AMZ1: variants seen among roughly 807,000 people sequenced by gnomAD.
AMZ1 encodes archaelysin family metallopeptidase 1, also known as archaemetzincin-1.
In AMZ1, 39 loss-of-function variants were observed where a neutral mutation model predicts 29.9. That is an observed-to-expected ratio of 1.30 (90% CI 1.01 to 1.70). The LOEUF is 1.70. AMZ1 is among the 40% of genes most tolerant of loss of function. The probability of loss-of-function intolerance (pLI) is 0.00; values close to 1 mark genes in which losing one functional copy is unlikely to be tolerated. For missense variants in AMZ1, 1,041 were observed against 680.6 expected, an observed-to-expected ratio of 1.53 and a Z score of -5.89; for synonymous variants, 458 against 304.0, an observed-to-expected ratio of 1.51 and a Z score of -5.27.
At chr7:2,711,275 C>T (rs1788758705) in intron 6 of AMZ1, among the ~76,000 whole-genome samples, 1 of 152,184 alleles carries the variant, frequency 6.6e-6, no homozygotes, top group South Asian at 2.1e-4. Flanking sequence ...TGGGGAGGTG[C>T]TGGAGAGCTG....
chr7:2,703,115 A>G (rs1318621672), intron 3 of AMZ1, among the ~76,000 whole-genome samples: 2 of 152,224 alleles, frequency 1.3e-5, no homozygotes, highest in Non-Finnish European at 2.9e-5. Flanking sequence ...GGAAAACGCC[A>G]GAGCATGCAG....
chr7:2,715,620 T>G lies in AMZ1; in HGVS notation c.*2742T>G, dbSNP rs1554251589. ...TCCGCAGCGTTTACCAACTTGCAGA[T>G]GTCAGTGAAATTTTTTAAGACAGCT... On this transcript the variant is annotated 3_prime_UTR_variant, in exon 7 of 7. Coordinates refer to ENST00000683327, the MANE Select transcript of AMZ1 (RefSeq NM_001384743.1). 6.6e-6 allele frequency: 1 copy of G among 152,204 alleles called. No individual in the cohort carries two copies. Among genetic ancestry groups the G allele is most frequent in the Non-Finnish European group, 1.5e-5 (1 of 68,030 alleles). 9.4% of individuals were successfully genotyped at this position (152,204 alleles called of 1,614,324 possible).
intron 4 of AMZ1, among the ~76,000 whole-genome samples, chr7:2,758,410 G>C (rs208348): frequency 0.93 from 141,363 of 152,266 alleles, 65,733 homozygotes; most frequent in East Asian, 1. Context: ...AGGGCAGACA[G>C]TGTCTCAGCA....
intron 3 of AMZ1, among the ~76,000 whole-genome samples, chr7:2,704,995 A>AC (rs1264376524): frequency 1.3e-5 from 2 of 152,228 alleles, no homozygotes; most frequent in Non-Finnish European, 2.9e-5. Context: ...TCCGATGATT[A>AC]CACTATCTGG....
At chr7:2,704,685 C>T (rs1424229308) in intron 3 of AMZ1, among the ~76,000 whole-genome samples, 1 of 149,882 alleles carries the variant, frequency 6.7e-6, no homozygotes, top group Non-Finnish European at 1.5e-5. Context: ...CAAGCTCCGC[C>T]TCCTGGGTTC....
chr7:2,744,213 G>C (rs922352223), intron 4 of AMZ1, among the ~76,000 whole-genome samples: 4 of 152,246 alleles, frequency 2.6e-5, no homozygotes, highest in Non-Finnish European at 5.9e-5. Context: ...AGAACGGGCA[G>C]ACTGCCTCCT....
Position 2,731,145 on chromosome 7 carries a change from G to A in AMZ1, n.550+21329G>A. The A allele has an allele frequency of 1.4e-6, 2 of 1,421,610 alleles. No individual in the cohort carries two copies. Among genetic ancestry groups the A allele is most frequent in the Non-Finnish European group, 2.0e-6 (2 of 1,021,206 alleles). 88.1% of individuals were successfully genotyped at this position (1,421,610 alleles called of 1,614,324 possible). ...AAGAGTCTGACCGACAGCCGTGGGG[G>A]CTGCTCAACGACGACAAACCCCGGG... On this transcript the variant is annotated intron_variant and non_coding_transcript_variant, in intron 4 of 4. Transcript: ENST00000489665. This position sits in a 1 kb window ranked among gnomAD's most constrained non-coding sequence, Gnocchi z 6.0.
intron 4 of AMZ1, among the ~76,000 whole-genome samples, chr7:2,752,525 C>T (rs1379145287): frequency 6.6e-6 from 1 of 152,104 alleles, no homozygotes; most frequent in Admixed American, 6.6e-5. Flanking sequence ...CTGCAGATCG[C>T]CTAACTGTTC....
Position 2,712,342 on chromosome 7 carries a change from T to G in AMZ1, c.961T>G (p.Trp321Gly), listed in dbSNP as rs756099596. ...LIERYQRLYT[W>G]TQAVVGTWPS... ...TTCTCCCTCTTAGAGACTCTACACC[T>G]GGACTCAGGCGGTGGTGGGGACGTG... The change falls in exon 7 of 7, where the codon TGG (tryptophan) becomes GGG (glycine). Residue 321 changes from tryptophan (W) to glycine (G), a missense_variant. Trp to Gly is a radical substitution (Grantham distance 184). Coordinates refer to ENST00000683327, the MANE Select transcript of AMZ1 (RefSeq NM_001384743.1). 1.3e-6 allele frequency: 2 copies of G among 1,589,874 alleles called. No individual in the cohort carries two copies. Among genetic ancestry groups the G allele is most frequent in the African/African-American group, 2.7e-5 (2 of 74,560 alleles).
intron 1 of AMZ1, among the ~76,000 whole-genome samples, chr7:2,698,118 A>G (rs1456353834): frequency 6.6e-6 from 1 of 152,238 alleles, no homozygotes; most frequent in Non-Finnish European, 1.5e-5. Context: ...TTAGTGGGCC[A>G]GGCGTGGTAC....
intron 1 of AMZ1, among the ~76,000 whole-genome samples, chr7:2,697,145 C>T (rs1583153869): frequency 6.6e-6 from 1 of 152,192 alleles, no homozygotes. Context: ...CTGCAATGCC[C>T]AAGCTGGAGT....
intron 1 of AMZ1, among the ~76,000 whole-genome samples, chr7:2,697,643 T>G (rs1280895086): frequency 6.6e-6 from 1 of 152,106 alleles, no homozygotes; most frequent in African/African-American, 2.4e-5. Flanking sequence ...TGGGCTGGTC[T>G]TGAACTCCTG....
At chr7:2,685,631 G>C (rs567455606), upstream of AMZ1, among the ~76,000 whole-genome samples, 4 of 151,022 alleles carry the variant, frequency 2.6e-5, no homozygotes, top group East Asian at 7.9e-4. Flanking sequence ...GTGGCAGGCG[G>C]ATCACGAGGT....
rs1788994592 is a variant in AMZ1 at position 2,714,340 on chromosome 7, C to A, written c.*1462C>A. The A allele has an allele frequency of 6.6e-6, 1 of 152,376 alleles. No individual in the cohort carries two copies. Among genetic ancestry groups the A allele is most frequent in the African/African-American group, 2.4e-5 (1 of 41,448 alleles). 9.4% of individuals were successfully genotyped at this position (152,376 alleles called of 1,614,324 possible). On this transcript the variant is annotated 3_prime_UTR_variant, in exon 7 of 7. Transcript: ENST00000683327. ...TGCAGGTGAGGTGGGCTGAGGCTTC[C>A]TTGTGAATCTGACATTGGTGGAGGC...
At chr7:2,725,545 A>T (rs1562385380) in intron 4 of AMZ1, among the ~76,000 whole-genome samples, 1 of 152,240 alleles carries the variant, frequency 6.6e-6, no homozygotes, top group Non-Finnish European at 1.5e-5. Context: ...AGTGAATGAG[A>T]AGCCATAGGG....
intron 4 of AMZ1, among the ~76,000 whole-genome samples, chr7:2,754,476 C>T (rs140885231): frequency 0.011 from 1,659 of 152,078 alleles, 12 homozygotes; most frequent in Non-Finnish European, 0.016. Context: ...GGCACGGTGG[C>T]TCACCCCTGT....
intron 4 of AMZ1, among the ~76,000 whole-genome samples, chr7:2,736,061 ACTC>A (rs750445742): frequency 5.9e-5 from 9 of 152,004 alleles, no homozygotes; most frequent in African/African-American, 9.7e-5. Context: ...TTTGCGACGG[ACTC>A]CTCAAGTCTT....
In AMZ1 at chr7:2,702,755, TGCACCAGCTGTGCAGCTGCACA is replaced by T; in HGVS notation, c.340_361del (p.His114ArgfsTer44). 6.5e-7 allele frequency: 1 copy of T among 1,541,304 alleles called. No individual in the cohort carries two copies. Among genetic ancestry groups the T allele is most frequent in the Non-Finnish European group, 8.7e-7 (1 of 1,146,006 alleles). On this transcript the variant is annotated frameshift_variant, in exon 3 of 7. Coordinates refer to ENST00000683327, the MANE Select transcript of AMZ1 (RefSeq NM_001384743.1). LOFTEE classifies it high-confidence loss of function. The stretch of plus-strand genomic sequence containing the variant: ...GAGGAGCCGGTGGGAAGCTCCCTGC[TGCACCAGCTGTGCAGCTGCACA>T]GAGGCCTTCTTCCTGGGCCTGCGCG...
At chr7:2,697,866 C>A (rs1787833915) in intron 1 of AMZ1, among the ~76,000 whole-genome samples, 1 of 152,162 alleles carries the variant, frequency 6.6e-6, no homozygotes, top group African/African-American at 2.4e-5. Context: ...AAGCTCCAGG[C>A]TGGCAGTGAT....
Sources: allele counts gnomAD v4.1 joint callset (sites outside exome capture counted in the v4.1 genomes callset), GRCh38; gene constraint gnomAD v4.1.1; non-coding constraint Gnocchi (gnomAD v3.1); transcripts MANE v1.5; gene names NCBI Gene and HGNC (gene_info 2026-07-23, HGNC 2026-07-21).